FN3K: variants seen among roughly 807,000 people sequenced by gnomAD.
The protein encoded by FN3K is fructosamine-3-kinase.
Under a neutral mutation model 24.8 loss-of-function variants are expected in FN3K, and 24 were observed. That is an observed-to-expected ratio of 0.97 (90% confidence interval 0.70 to 1.36). The LOEUF (loss-of-function observed/expected upper bound fraction) is 1.36, where lower values mean the gene tolerates loss of function less well. Among genes scored for constraint, FN3K ranks in the 40% most tolerant of loss-of-function variants. FN3K has a pLI of 0.00. For missense variants in FN3K, 449 were observed against 416.7 expected (o/e 1.08, Z -0.67); for synonymous variants, 192 against 175.2 (o/e 1.10, Z -0.76).
intron 3 of FN3K, 43 bp downstream of exon 3, chr17:82,740,897 T>C (rs1355243741): frequency 4.4e-6 from 6 of 1,360,588 alleles, no homozygotes; most frequent in Non-Finnish European, 6.3e-6. Flanking sequence ...CCAGCCACAT[T>C]GTCTACCCTA....
At position 82,750,863 on chromosome 17, in the gene FN3K, T is replaced by G; in HGVS notation, c.*108T>G. The G allele has an allele frequency of 1.6e-6, 1 of 643,414 alleles. No individual in the cohort carries two copies. The highest frequency in any genetic ancestry group is 2.4e-6 in the Non-Finnish European group (1 of 420,120). 39.9% of individuals were successfully genotyped at this position (643,414 alleles called of 1,614,324 possible). ...CCGTCCCTGTCCCCCTGTTCCCGTCTCCCCGTCCCTCCGTCTCCATCCCCC... is the reference window on the plus strand; with the variant it reads ...CCGTCCCTGTCCCCCTGTTCCCGTCGCCCCGTCCCTCCGTCTCCATCCCCC... On this transcript the variant is annotated 3_prime_UTR_variant, in exon 6 of 6. Transcript: ENST00000300784.
intron 4 of FN3K, among the ~76,000 whole-genome samples, chr17:82,742,448 C>T (rs1216302155): frequency 1.3e-5 from 2 of 152,170 alleles, no homozygotes; most frequent in Non-Finnish European, 2.9e-5. Flanking sequence ...TTTGAATTTT[C>T]TGGATATGTC....
intron 5 of FN3K, chr17:82,749,199 A>G: frequency 1.6e-6 from 1 of 633,998 alleles, no homozygotes; most frequent in Admixed American, 2.4e-5. Context: ...CTCCACTGCT[A>G]GGTCACCAGG....
Position 82,737,020 on chromosome 17 carries a change from G to A in FN3K, c.141+1243G>A, listed in dbSNP as rs60510640. On this transcript the variant is annotated intron_variant, in intron 1 of 5. Coordinates refer to ENST00000300784, the MANE Select transcript of FN3K (RefSeq NM_022158.4). ...CCTGGGGCTTAGCAGCCCCAAGGCC[G>A]GGAGTTCCTGGCCTGGTGCATGGGG... Among the ~76,000 whole-genome samples the A allele has an allele frequency of 6.2e-3, 943 of 152,064 alleles. 8 individuals carry two copies. Among genetic ancestry groups the A allele is most frequent in the African/African-American group, 0.021 (887 of 41,510 alleles).
intron 4 of FN3K, among the ~76,000 whole-genome samples, chr17:82,746,111 A>AC (rs1378424555): frequency 1.3e-5 from 2 of 151,240 alleles, no homozygotes; most frequent in East Asian, 3.9e-4. Context: ...AAAAAAAAAA[A>AC]ACTACCAAAC....
chr17:82,738,314 G>A lies in FN3K; in HGVS notation c.142-175G>A, dbSNP rs1303738591. 1.4e-5 allele frequency: 10 copies of A among 693,088 alleles called. No homozygotes were observed. The Admixed American group carries it at 1.6e-4, about 11-fold the overall frequency. The allele number at this position is 693,088 out of a possible 1,614,324, so 42.9% of individuals were successfully genotyped here. On this transcript the variant is annotated intron_variant, in intron 1 of 5. Transcript: ENST00000300784. ...CTCAGCCTTGCAGCCTCTCGTCTCC[G>A]ACGGGGGGCCCCTCTGCACCCTGCC...
chr17:82,741,536 AT>A (rs2046941343), intron 4 of FN3K, 143 bp downstream of exon 4: 1 of 775,118 alleles, frequency 1.3e-6, no homozygotes, highest in South Asian at 1.6e-5. Flanking sequence ...GATACCTGGA[AT>A]GGGGAGAGCA....
intron 1 of FN3K, 42 bp downstream of exon 1, chr17:82,735,819 G>A (rs2046897199): frequency 6.5e-7 from 1 of 1,540,008 alleles, no homozygotes. Flanking sequence ...GGGTCTCTGC[G>A]GGGCCTGGGA....
At chr17:82,744,254 C>T (rs538131441) in intron 4 of FN3K, among the ~76,000 whole-genome samples, 1 of 152,218 alleles carries the variant, frequency 6.6e-6, no homozygotes, top group African/African-American at 2.4e-5. Flanking sequence ...ACAAAATAAC[C>T]CTTTGTATAA....
chr17:82,739,012 A>G lies in FN3K; in HGVS notation c.293+372A>G, dbSNP rs538380949. Among the ~76,000 whole-genome samples the G allele has an allele frequency of 1.7e-3, 245 of 148,434 alleles. 1 individual carries two copies. The highest frequency in any genetic ancestry group is 5.7e-3 in the African/African-American group (227 of 39,936). Reference sequence around the variant, plus strand: ...GGCTAGAGTGCAGTGCAGTGGTGCAATCTCGGCTCACTGCAACTTCTGCCC... The same window carrying G: ...GGCTAGAGTGCAGTGCAGTGGTGCAGTCTCGGCTCACTGCAACTTCTGCCC... On this transcript the variant is annotated intron_variant, in intron 2 of 5. Transcript: ENST00000300784.
Position 82,736,038 on chromosome 17 carries a change from T to C in FN3K, c.141+261T>C, listed in dbSNP as rs574860378. 6 of 447,852 alleles carry C rather than the reference T, an allele frequency of 1.3e-5. No individual in the cohort carries two copies. The Admixed American group carries it at 1.6e-4, about 12-fold the overall frequency. The allele number at this position is 447,852 out of a possible 1,614,324, so 27.7% of individuals were successfully genotyped here. ...TTTTAACTTTCCTATCCAGCAAGCG[T>C]CGGGGGATGTGAGGCTTGGGGTCCT... On this transcript the variant is annotated intron_variant, in intron 1 of 5. Transcript: ENST00000300784.
chr17:82,738,762 G>A (rs2046921682), intron 2 of FN3K, 122 bp downstream of exon 2: 1 of 1,286,664 alleles, frequency 7.8e-7, no homozygotes, highest in African/African-American at 1.5e-5. Flanking sequence ...GGAGAAGCCT[G>A]TGGCTGAGCC....
intron 5 of FN3K, among the ~76,000 whole-genome samples, chr17:82,750,170 A>G (rs1420503359): frequency 6.6e-6 from 1 of 152,190 alleles, no homozygotes; most frequent in Non-Finnish European, 1.5e-5. Flanking sequence ...CTGTGGGTCG[A>G]TTAAAACTAT....
intron 4 of FN3K, among the ~76,000 whole-genome samples, chr17:82,744,222 C>T (rs925193971): frequency 4.6e-5 from 7 of 152,078 alleles, no homozygotes; most frequent in Admixed American, 2.6e-4. Flanking sequence ...CTGACCAGGG[C>T]GGTCCTCCCC....
Position 82,750,475 on chromosome 17 carries a change from A to T in FN3K, c.650A>T (p.Asp217Val). ...ATTGTCCCCGCGTTGCTCCACGGGG[A>T]TCTCTGGTCGGGAAACGTGGCTGAG... Reference protein sequence around the residue: ...LEIVPALLHGDLWSGNVAEDD... With the variant: ...LEIVPALLHGVLWSGNVAEDD... The change falls in exon 6 of 6, where the codon GAT (aspartate) becomes GTT (valine). Residue 217 changes from aspartate to valine, a missense_variant. Asp to Val is a radical substitution (Grantham distance 152, BLOSUM62 -3). Transcript: ENST00000300784. 18 of 1,613,878 alleles carry T rather than the reference A, an allele frequency of 1.1e-5. No homozygotes were observed. The highest frequency in any genetic ancestry group is 1.5e-5 in the Non-Finnish European group (18 of 1,179,954).
At chr17:82,741,100 C>T in intron 3 of FN3K, 1 of 666,784 alleles carries the variant, frequency 1.5e-6, no homozygotes. Flanking sequence ...TAATAATAAC[C>T]CCTTTTATAC....
intron 5 of FN3K, chr17:82,749,383 G>T (rs1037404246): frequency 5.9e-6 from 2 of 338,382 alleles, no homozygotes; most frequent in East Asian, 7.8e-5. Context: ...CATAACTCTC[G>T]GCCGGGCACA....
At chr17:82,739,455 A>AT (rs527397353) in intron 2 of FN3K, among the ~76,000 whole-genome samples, 1,129 of 100,194 alleles carry the variant, frequency 0.011, 24 homozygotes, top group African/African-American at 0.034. Context: ...TCACGCAGCT[A>AT]TTTTTTTTTT....
intron 4 of FN3K, among the ~76,000 whole-genome samples, chr17:82,748,571 A>C (rs566633837): frequency 6.6e-6 from 1 of 150,446 alleles, no homozygotes; most frequent in Non-Finnish European, 1.5e-5. Context: ...TATTTTTCCA[A>C]CCTGCCAATC....
Sources: allele counts gnomAD v4.1 joint callset (sites outside exome capture counted in the v4.1 genomes callset), GRCh38; gene constraint gnomAD v4.1.1; transcripts MANE v1.5; gene names NCBI Gene and HGNC (gene_info 2026-07-23, HGNC 2026-07-21).